Variants in PDE7A observed in about 807,000 individuals in gnomAD.
PDE7A encodes the protein phosphodiesterase 7A, also known as high affinity 3',5'-cyclic-AMP phosphodiesterase 7A.
PDE7A carries 39 observed loss-of-function variants against 64.3 expected under a neutral mutation model. The ratio of observed to expected loss-of-function variants is 0.61; its 90% CI spans 0.47 to 0.79. The LOEUF (loss-of-function observed/expected upper bound fraction) is 0.79. PDE7A is among the 30% of genes least tolerant of loss of function. The pLI is 0.00. For synonymous variants in PDE7A, 203 were observed against 206.8 expected (o/e 0.98, Z 0.16); for missense variants, 470 against 582.8 (o/e 0.81, Z 1.99).
chr8:65,835,989 AGT>A (rs1355628323), intron 1 of PDE7A, among the ~76,000 whole-genome samples: 1 of 152,218 alleles, frequency 6.6e-6, no homozygotes, highest in Non-Finnish European at 1.5e-5. Flanking sequence ...TTAGCTCAGA[AGT>A]GAAAGCTAAA....
At chr8:65,814,802 C>A (rs147114302) in intron 1 of PDE7A, among the ~76,000 whole-genome samples, 3 of 152,046 alleles carry the variant, frequency 2.0e-5, no homozygotes, top group Non-Finnish European at 4.4e-5. Context: ...GTCAGGAGAT[C>A]GAGACCAGCC....
chr8:65,796,331 A>C (rs1408653371), intron 1 of PDE7A, among the ~76,000 whole-genome samples: 2 of 152,068 alleles, frequency 1.3e-5, no homozygotes, highest in Non-Finnish European at 2.9e-5. Context: ...AAAAAACACA[A>C]AGAAAACTAT....
chr8:65,757,528 T>C (rs1461694767), intron 3 of PDE7A, among the ~76,000 whole-genome samples: 3 of 152,344 alleles, frequency 2.0e-5, no homozygotes, highest in Admixed American at 1.3e-4. Flanking sequence ...TTGGCAAACA[T>C]ACAGTGTTAT....
intron 4 of PDE7A, among the ~76,000 whole-genome samples, chr8:65,746,578 C>A (rs561251854): frequency 6.6e-6 from 1 of 152,084 alleles, no homozygotes; most frequent in African/African-American, 2.4e-5. Context: ...TTAACCTGAA[C>A]CTTTTGTGGA....
intron 3 of PDE7A, among the ~76,000 whole-genome samples, chr8:65,774,630 A>G (rs1351774996): frequency 1.3e-5 from 2 of 151,462 alleles, no homozygotes; most frequent in African/African-American, 4.8e-5. Context: ...TAAATTTTTA[A>G]TATTTAAATA....
intron 1 of PDE7A, among the ~76,000 whole-genome samples, chr8:65,787,760 T>C (rs117676737): frequency 0.057 from 8,649 of 150,482 alleles, 356 homozygotes; most frequent in Middle Eastern, 0.11. Context: ...CTGGGCAACA[T>C]AGTAAGACCT....
chr8:65,726,113 CT>C (rs1242496772), intron 9 of PDE7A, among the ~76,000 whole-genome samples: 3 of 152,120 alleles, frequency 2.0e-5, no homozygotes, highest in Non-Finnish European at 1.5e-5. Flanking sequence ...AATTTTAATA[CT>C]CAAACATATT....
At chr8:65,798,206 A>ATAT in intron 1 of PDE7A, among the ~76,000 whole-genome samples, 1,694 of 73,710 alleles carry the variant, frequency 0.023, 63 homozygotes, top group African/African-American at 0.081. Flanking sequence ...ATATATATAT[A>ATAT]TTTTTTTTTT....
At chr8:65,810,205 G>A (rs1810221720) in intron 1 of PDE7A, among the ~76,000 whole-genome samples, 1 of 152,174 alleles carries the variant, frequency 6.6e-6, no homozygotes, top group African/African-American at 2.4e-5. Flanking sequence ...TAGCGACATG[G>A]ATGAAGCTGG....
rs576333567 is a variant in PDE7A, at chr8:65,717,831, C to A, written c.*1459G>T. The A allele has an allele frequency of 2.0e-5, 3 of 152,282 alleles. No individual in the cohort carries two copies. In the East Asian group the frequency reaches 5.8e-4, roughly 29 times the overall value. 9.4% of individuals were successfully genotyped at this position (152,282 alleles called of 1,614,324 possible). ...CAACAAACTGTAAACAATTAATAAA[C>A]AGTCTTTTACAGTAACAAGGGAAAT... On this transcript the variant is annotated 3_prime_UTR_variant, in exon 13 of 13. Coordinates refer to ENST00000401827, the MANE Select transcript of PDE7A (RefSeq NM_001242318.3).
At chr8:65,813,165 A>G (rs1810297494) in intron 1 of PDE7A, among the ~76,000 whole-genome samples, 3 of 152,246 alleles carry the variant, frequency 2.0e-5, no homozygotes, top group Non-Finnish European at 4.4e-5. Context: ...GTAAGTTAGC[A>G]TAACCCTTTC....
At chr8:65,734,733 G>T in intron 7 of PDE7A, 61 bp downstream of exon 7, 1 of 931,116 alleles carries the variant, frequency 1.1e-6, no homozygotes, top group Non-Finnish European at 1.8e-6. Context: ...AGAAGTATGT[G>T]AAAGTAAATC....
rs541738530 is a variant in PDE7A at position 65,780,138 on chromosome 8, A to T, written c.200-335T>A. On this transcript the variant is annotated intron_variant, in intron 2 of 12. Transcript: ENST00000401827. The stretch of plus-strand genomic sequence containing the variant: ...ACATGGGCAACATTTTTTTTTTTTT[A>T]AAAAAAGGCCATTGGGAAGCAATAT... 2.9e-3 allele frequency among the ~76,000 whole-genome samples: 405 copies of T among 138,024 alleles called. 2 individuals carry two copies. The highest frequency in any genetic ancestry group is 0.011 in the African/African-American group (353 of 33,446). The allele number at this position is 138,024 out of a possible 152,430, so 90.5% of individuals were successfully genotyped here.
At chr8:65,817,739 C>A in intron 1 of PDE7A, among the ~76,000 whole-genome samples, 1 of 140,258 alleles carries the variant, frequency 7.1e-6, no homozygotes, top group Non-Finnish European at 1.5e-5. Flanking sequence ...TATATCTCAT[C>A]ATATCAAGGA....
At chr8:65,768,309 T>C (rs1338656270) in intron 3 of PDE7A, among the ~76,000 whole-genome samples, 1 of 152,148 alleles carries the variant, frequency 6.6e-6, no homozygotes, top group Non-Finnish European at 1.5e-5. Flanking sequence ...CCCACCCAAA[T>C]CTCATCTTGA....
chr8:65,802,673 T>C (rs1367966579), intron 1 of PDE7A, among the ~76,000 whole-genome samples: 1 of 152,246 alleles, frequency 6.6e-6, no homozygotes, highest in Non-Finnish European at 1.5e-5. Context: ...GTTGTTTTTA[T>C]CCAATTCTCT....
chr8:65,767,743 G>A (rs1483308353), intron 3 of PDE7A, among the ~76,000 whole-genome samples: 1 of 152,116 alleles, frequency 6.6e-6, no homozygotes, highest in Non-Finnish European at 1.5e-5. Context: ...GGGAAGGCAT[G>A]GAAGTTCTGC....
intron 3 of PDE7A, among the ~76,000 whole-genome samples, chr8:65,772,719 A>G (rs1370662029): frequency 6.6e-6 from 1 of 152,194 alleles, no homozygotes; most frequent in African/African-American, 2.4e-5. Flanking sequence ...CTAGGGTTAA[A>G]CTGGCCAGGT....
intron 1 of PDE7A, among the ~76,000 whole-genome samples, chr8:65,839,461 T>G (rs1272272311): frequency 6.6e-6 from 1 of 152,034 alleles, no homozygotes; most frequent in Admixed American, 6.5e-5. Context: ...AACATATGCT[T>G]TATTATTAAA....
Sources: allele counts gnomAD v4.1 joint callset (sites outside exome capture counted in the v4.1 genomes callset), GRCh38; gene constraint gnomAD v4.1.1; transcripts MANE v1.5; gene names NCBI Gene and HGNC (gene_info 2026-07-23, HGNC 2026-07-21).